The following PDE1A variants were observed in gnomAD, a reference collection of about 807,000 sequenced individuals.
PDE1A encodes phosphodiesterase 1A, also known as dual specificity calcium/calmodulin-dependent 3',5'-cyclic nucleotide phosphodiesterase 1A.
Under a neutral mutation model 61.7 loss-of-function variants are expected in PDE1A, and 35 were observed. The observed-to-expected ratio is 0.57, with a 90% CI of 0.43 to 0.75. The LOEUF (loss-of-function observed/expected upper bound fraction) is 0.75. PDE1A is among the 30% of genes least tolerant of loss of function. The pLI is 0.00. For missense variants in PDE1A, 597 were observed against 630.6 expected (o/e 0.95, Z 0.57); for synonymous variants, 232 against 213.2 (o/e 1.09, Z -0.77).
intron 2 of PDE1A, among the ~76,000 whole-genome samples, chr2:182,444,088 A>C (rs556460611): frequency 6.6e-6 from 1 of 152,160 alleles, no homozygotes; most frequent in African/African-American, 2.4e-5. Flanking sequence ...AGGTCTCTCA[A>C]AATCTCCCTA....
At chr2:182,585,722 G>T in the PDE1A span, among the ~76,000 whole-genome samples, 2 of 152,102 alleles carry the variant, frequency 1.3e-5, no homozygotes, top group Admixed American at 6.6e-5. Flanking sequence ...TTGTATATTC[G>T]TTGGTGGCAA....
chr2:182,256,038 C>CTTTTTTTTTTTTTTTTTTTTTTG (rs755211798), intron 2 of PDE1A, among the ~76,000 whole-genome samples: 1 of 92,336 alleles, frequency 1.1e-5, no homozygotes, highest in Non-Finnish European at 2.1e-5. Context: ...AGGATGACTT[C>CTTTTTTTTTTTTTTTTTTTTTTG]TTTTTTTTTT....
chr2:182,256,925 G>A (rs1173071941), intron 2 of PDE1A, among the ~76,000 whole-genome samples: 7 of 152,046 alleles, frequency 4.6e-5, no homozygotes, highest in African/African-American at 7.2e-5. Context: ...ATTTCTTCAC[G>A]AAGCCATTCC....
intron 1 of PDE1A, among the ~76,000 whole-genome samples, chr2:182,312,842 AC>A (rs1160271247): frequency 6.6e-6 from 1 of 151,660 alleles, no homozygotes; most frequent in African/African-American, 2.4e-5. Flanking sequence ...AAAAAAAAAA[AC>A]CTGCTGGGAT....
the PDE1A span, among the ~76,000 whole-genome samples, chr2:182,687,917 A>G: frequency 6.6e-6 from 1 of 152,230 alleles, no homozygotes; most frequent in South Asian, 2.1e-4. Context: ...CAACTGGAAA[A>G]AAGGGTATCA....
intron 1 of PDE1A, among the ~76,000 whole-genome samples, chr2:182,380,653 A>G (rs1356332840): frequency 2.0e-5 from 3 of 152,120 alleles, no homozygotes; most frequent in Non-Finnish European, 4.4e-5. Flanking sequence ...TTTTGTCCTT[A>G]ACTGTTTGTT....
intron 1 of PDE1A, among the ~76,000 whole-genome samples, chr2:182,316,093 G>A (rs1431013729): frequency 6.6e-6 from 1 of 152,188 alleles, no homozygotes; most frequent in Non-Finnish European, 1.5e-5. Context: ...TCTGGTTGGA[G>A]GACCTTGCTA....
chr2:182,526,401 A>C (rs1157056445), upstream of PDE1A, among the ~76,000 whole-genome samples: 1 of 152,350 alleles, frequency 6.6e-6, no homozygotes, highest in African/African-American at 2.4e-5. Flanking sequence ...TATAGGAAAC[A>C]GAAAATAAGG....
At chr2:182,253,559 G>T (rs1392797166) in intron 2 of PDE1A, among the ~76,000 whole-genome samples, 1 of 152,026 alleles carries the variant, frequency 6.6e-6, no homozygotes. Flanking sequence ...TGCCATTTAT[G>T]CAATTCTCAT....
chr2:182,658,063 A>AC, the PDE1A span, among the ~76,000 whole-genome samples: 74 of 115,874 alleles, frequency 6.4e-4, no homozygotes, highest in South Asian at 1.6e-3. Context: ...AAAAAAAAAA[A>AC]AAAAAAAAAC....
At chr2:182,386,692 C>CCGCCCCA (rs1701114406) in intron 1 of PDE1A, among the ~76,000 whole-genome samples, 1 of 152,006 alleles carries the variant, frequency 6.6e-6, no homozygotes, top group African/African-American at 2.4e-5. Flanking sequence ...CGCCCGGCAG[C>CCGCCCCA]TGCCCCGTCT....
intron 13 of PDE1A, among the ~76,000 whole-genome samples, chr2:182,184,994 G>C (rs939792464): frequency 6.6e-6 from 1 of 151,958 alleles, no homozygotes; most frequent in Non-Finnish European, 1.5e-5. Context: ...TTGACATTTG[G>C]GATAATTGAA....
intron 2 of PDE1A, among the ~76,000 whole-genome samples, chr2:182,457,705 G>C (rs920058866): frequency 6.6e-6 from 1 of 151,966 alleles, no homozygotes. Flanking sequence ...AGCATGTACA[G>C]ACAAGCAGTA....
intron 2 of PDE1A, among the ~76,000 whole-genome samples, chr2:182,490,704 A>G (rs1448745863): frequency 1.3e-5 from 2 of 152,196 alleles, no homozygotes; most frequent in African/African-American, 4.8e-5. Context: ...TGAAAATATT[A>G]TGGTACACTT....
At chr2:182,599,208 T>G in the PDE1A span, among the ~76,000 whole-genome samples, 2 of 152,176 alleles carry the variant, frequency 1.3e-5, no homozygotes, top group Non-Finnish European at 2.9e-5. Flanking sequence ...GGCTTTTCCC[T>G]GCTATGGGTG....
intron 2 of PDE1A, among the ~76,000 whole-genome samples, chr2:182,497,129 T>C (rs1451831994): frequency 1.3e-5 from 2 of 152,236 alleles, no homozygotes; most frequent in Non-Finnish European, 2.9e-5. Flanking sequence ...GCCAATTGAA[T>C]ACATGTATTT....
chr2:182,140,386 A>G (rs924487620), exon 15 of PDE1A: 1 of 152,316 alleles, frequency 6.6e-6, no homozygotes, highest in Admixed American at 6.5e-5. Context: ...ACTCATATCA[A>G]TTTTTAAGTT....
At chr2:182,584,421 T>A in the PDE1A span, among the ~76,000 whole-genome samples, 1 of 152,258 alleles carries the variant, frequency 6.6e-6, no homozygotes, top group African/African-American at 2.4e-5. Context: ...ATTCTAGCTC[T>A]ACCGCTGACT....
intron 1 of PDE1A, among the ~76,000 whole-genome samples, chr2:182,276,139 C>A (rs1410310638): frequency 6.6e-6 from 1 of 151,944 alleles, no homozygotes; most frequent in Non-Finnish European, 1.5e-5. Flanking sequence ...CATTCTCTCT[C>A]TTTTCTCTGT....
Sources: allele counts gnomAD v4.1 joint callset (sites outside exome capture counted in the v4.1 genomes callset), GRCh38; gene constraint gnomAD v4.1.1; transcripts MANE v1.5; gene names NCBI Gene and HGNC (gene_info 2026-07-23, HGNC 2026-07-21).